The following KDM4A variants were observed in gnomAD, a reference collection of about 807,000 sequenced individuals.
KDM4A encodes lysine demethylase 4A.
In KDM4A, 23 loss-of-function variants were observed where a neutral mutation model predicts 127.1. The observed-to-expected ratio is 0.18, with a 90% CI of 0.13 to 0.26. The LOEUF is 0.26. KDM4A is among the 10% of genes least tolerant of loss of function. KDM4A has a pLI of 1.00. For missense variants in KDM4A, 890 were observed against 1,329.1 expected (o/e 0.67, Z 5.14); for synonymous variants, 443 against 466.5 (o/e 0.95, Z 0.65).
chr1:43,655,619 G>A lies in KDM4A; in HGVS notation c.167G>A (p.Arg56Gln), dbSNP rs371560953. 1.1e-5 allele frequency: 17 copies of A among 1,611,114 alleles called. No homozygotes were observed. The highest frequency in any genetic ancestry group is 1.3e-5 in the African/African-American group (1 of 74,818). ...GTTCCTCCAAAAGAGTGGAAGCCAC[G>A]AGCATCCTATGATGACATTGATGAT... is the stretch of plus-strand genomic sequence containing the variant. ...KVVPPKEWKP[R>Q]ASYDDIDDLV... is the part of the protein sequence containing the mutation. Residue 56 changes from arginine to glutamine, a missense_variant, in exon 3 of 22, where the codon CGA (arginine) becomes CAA (glutamine). Transcript: ENST00000372396.
chr1:43,685,055 G>T (rs1441233646), intron 12 of KDM4A, among the ~76,000 whole-genome samples: 1 of 152,106 alleles, frequency 6.6e-6, no homozygotes, highest in Non-Finnish European at 1.5e-5. Context: ...TGGCACTGAG[G>T]TGACATTGGA....
At chr1:43,654,860 T>G (rs1197042057) in intron 2 of KDM4A, among the ~76,000 whole-genome samples, 1 of 150,622 alleles carries the variant, frequency 6.6e-6, no homozygotes, top group Non-Finnish European at 1.5e-5. Flanking sequence ...ATTTTTTTTG[T>G]TTTTTTTTGA....
intron 8 of KDM4A, 97 bp downstream of exon 8, chr1:43,667,188 C>T: frequency 1.5e-6 from 2 of 1,374,950 alleles, no homozygotes; most frequent in Non-Finnish European, 2.0e-6. Flanking sequence ...CTTTGAGCTG[C>T]TGGAATTCAG....
intron 3 of KDM4A, among the ~76,000 whole-genome samples, chr1:43,657,409 G>C (rs571401809): frequency 6.6e-6 from 1 of 151,990 alleles, no homozygotes; most frequent in Non-Finnish European, 1.5e-5. Flanking sequence ...CACCATGTTG[G>C]CCAGGATGGT....
rs201313043 is a variant in KDM4A, at chr1:43,671,647, A to T, written c.1506A>T (p.Ser502=). Reference sequence around the variant, plus strand: ...CTGTAGGGGGACGCCTTGTCTTCTCAGGCTCCAAAAAGAAATCATCTTCTA... The same window carrying T: ...CTGTAGGGGGACGCCTTGTCTTCTCTGGCTCCAAAAAGAAATCATCTTCTA... ...PASVGGRLVF[S]GSKKKSSSSL... is the part of the protein sequence containing the mutation. The change falls in exon 11 of 22, where the codon TCA becomes TCT. Residue 502 remains serine, a synonymous_variant. Transcript: ENST00000372396. The T allele has an allele frequency of 6.3e-4, 1,018 of 1,613,394 alleles. 1 individual carries two copies. The highest frequency in any genetic ancestry group is 8.3e-4 in the Non-Finnish European group (981 of 1,179,674).
chr1:43,667,389 C>G (rs754474943), intron 8 of KDM4A, among the ~76,000 whole-genome samples: 3 of 152,076 alleles, frequency 2.0e-5, no homozygotes, highest in Non-Finnish European at 4.4e-5. Context: ...TAGGGGTTTC[C>G]TTTACTCTAG....
At chr1:43,665,883 G>A in intron 6 of KDM4A, 138 bp downstream of exon 6, 1 of 809,950 alleles carries the variant, frequency 1.2e-6, no homozygotes, top group Non-Finnish European at 2.1e-6. Flanking sequence ...AGCCACACTG[G>A]TTACCTTAAG....
Position 43,705,250 on chromosome 1 carries a change from G to C in KDM4A, c.*880G>C, listed in dbSNP as rs1024457682. 3 of 133,472 alleles carry C rather than the reference G, an allele frequency of 2.2e-5. No individual in the cohort carries two copies. The highest frequency in any genetic ancestry group is 3.1e-5 in the Non-Finnish European group (2 of 63,904). 8.3% of individuals were successfully genotyped at this position (133,472 alleles called of 1,614,324 possible). On this transcript the variant is annotated 3_prime_UTR_variant, in exon 22 of 22. Transcript: ENST00000372396. ...TTAGGATGAAAAAACTGGGGCCATTGGAGGCCCACTGTAGGTGGGAGGGAG... is the reference window on the plus strand; with the variant it reads ...TTAGGATGAAAAAACTGGGGCCATTCGAGGCCCACTGTAGGTGGGAGGGAG...
chr1:43,691,324 A>C (rs1661104745), intron 14 of KDM4A, among the ~76,000 whole-genome samples, 172 bp from the exon 15 acceptor site: 1 of 152,092 alleles, frequency 6.6e-6, no homozygotes, highest in Non-Finnish European at 1.5e-5. Flanking sequence ...ACTTTTTGAG[A>C]CTTTGAGCCA....
At chr1:43,663,142 T>G in intron 5 of KDM4A, 55 bp downstream of exon 5, 1 of 1,498,336 alleles carries the variant, frequency 6.7e-7, no homozygotes, top group East Asian at 2.3e-5. Context: ...CGGGCTCATG[T>G]TCATTGTGCG....
At chr1:43,702,905 C>T (rs996129370) in intron 19 of KDM4A, among the ~76,000 whole-genome samples, 1 of 151,946 alleles carries the variant, frequency 6.6e-6, no homozygotes, top group Non-Finnish European at 1.5e-5. Flanking sequence ...GTGGCACGTG[C>T]CTGTTGTCCC....
chr1:43,692,334 T>G, intron 16 of KDM4A, 23 bp downstream of exon 16: 1 of 1,604,876 alleles, frequency 6.2e-7, no homozygotes, highest in Non-Finnish European at 8.5e-7. Context: ...AGCAGTGCCT[T>G]GGAATGCACA....
At position 43,683,700 on chromosome 1, in the gene KDM4A, T is replaced by A; in HGVS notation, c.1751T>A (p.Met584Lys). ...TTTGCCCAGGTTGCAGATGAATACA[T>A]GTTTTCCCTAGAAGAGAATAAGAAG... is the stretch of plus-strand genomic sequence containing the variant. ...RELAEVADEY[M>K]FSLEENKKSK... Residue 584 changes from methionine (M) to lysine (K), a missense_variant, in exon 12 of 22, where the codon ATG becomes AAG. Physicochemically the swap from Met to Lys is moderately conservative, Grantham distance 95. This residue lies in a region of KDM4A where 389 missense variants were observed against 485.9 expected (regional missense o/e 0.80). Coordinates refer to ENST00000372396, the MANE Select transcript of KDM4A (RefSeq NM_014663.3). The A allele has an allele frequency of 6.2e-7, 1 of 1,613,728 alleles. No homozygotes were observed. Among genetic ancestry groups the A allele is most frequent in the South Asian group, 1.1e-5 (1 of 90,928 alleles).
At chr1:43,657,582 T>C (rs1660273508) in intron 3 of KDM4A, among the ~76,000 whole-genome samples, 1 of 151,978 alleles carries the variant, frequency 6.6e-6, no homozygotes, top group East Asian at 1.9e-4. Context: ...GTTGAAGAAA[T>C]GTGGGGCTCT....
chr1:43,669,689 T>C (rs1283707132), intron 10 of KDM4A, among the ~76,000 whole-genome samples: 3 of 150,722 alleles, frequency 2.0e-5, no homozygotes, highest in Non-Finnish European at 4.4e-5. Context: ...TGCTCTGTCA[T>C]GCAGGCTGGA....
chr1:43,651,531 G>A (rs1009918778), intron 1 of KDM4A, among the ~76,000 whole-genome samples: 5 of 152,148 alleles, frequency 3.3e-5, no homozygotes, highest in African/African-American at 1.2e-4. Context: ...TCTGCTCCCA[G>A]GCCTGTAACT....
intron 3 of KDM4A, 44 bp downstream of exon 3, chr1:43,655,810 T>A: frequency 6.6e-7 from 1 of 1,508,910 alleles, no homozygotes; most frequent in Non-Finnish European, 9.0e-7. Flanking sequence ...CCTAGGACCC[T>A]GGTGTCTCAT....
intron 19 of KDM4A, among the ~76,000 whole-genome samples, chr1:43,701,442 A>C (rs1397788331): frequency 6.6e-6 from 1 of 152,166 alleles, no homozygotes; most frequent in Non-Finnish European, 1.5e-5. Context: ...CAGATACCTA[A>C]GTCTGAAAAG....
intron 11 of KDM4A, among the ~76,000 whole-genome samples, chr1:43,682,105 A>C (rs1660872258): frequency 6.6e-6 from 1 of 152,090 alleles, no homozygotes; most frequent in African/African-American, 2.4e-5. Flanking sequence ...AGTAGCTGGG[A>C]CTACAGGTGC....
Sources: gnomAD v4.1 joint callset for allele counts (sites outside exome capture counted in the v4.1 genomes callset) on GRCh38, gnomAD v4.1.1 for gene constraint, gnomAD v4.1.1 regional missense constraint, MANE v1.5 for transcripts, NCBI Gene and HGNC (gene_info 2026-07-23, HGNC 2026-07-21) for gene names.